DYNC2H1: variants seen among roughly 807,000 people sequenced by gnomAD.
DYNC2H1 encodes cytoplasmic dynein 2 heavy chain 1.
A neutral mutation model predicts 570.0 loss-of-function variants in DYNC2H1; 410 were observed. The observed-to-expected ratio is 0.72, with a 90% confidence interval of 0.66 to 0.78. The LOEUF is 0.78. DYNC2H1 is among the 30% of genes least tolerant of loss of function. The pLI is 0.00. For missense variants in DYNC2H1, 4,865 were observed against 5,046.4 expected, an observed-to-expected ratio of 0.96 and a Z score of 1.09; for synonymous variants, 1,688 against 1,677.6, an observed-to-expected ratio of 1.01 and a Z score of -0.15.
At chr11:103,309,362 T>TC (rs1411875734) in intron 78 of DYNC2H1, among the ~76,000 whole-genome samples, 4 of 149,632 alleles carry the variant, frequency 2.7e-5, no homozygotes, top group Admixed American at 1.3e-4. Context: ...TTTTCTTTTT[T>TC]TTTTTCTTTT....
In DYNC2H1 at chr11:103,302,956, G is replaced by C. The variant is rs1006186956; in HGVS notation, c.11096-137G>C. 8.6e-6 allele frequency: 5 copies of C among 580,946 alleles called. No homozygotes were observed. The South Asian group carries it at 3.0e-4, about 35-fold the overall frequency. 36.0% of individuals were successfully genotyped at this position (580,946 alleles called of 1,614,324 possible). On this transcript the variant is annotated intron_variant, in intron 75 of 88. Transcript: ENST00000375735. ...TGGCTATTACTAGTATATTATTTTA[G>C]AGTAGAAAAACTTTAATGTATTATG... is the stretch of plus-strand genomic sequence containing the variant.
intron 28 of DYNC2H1, among the ~76,000 whole-genome samples, chr11:103,159,812 G>A (rs1861008008): frequency 6.6e-6 from 1 of 152,086 alleles, no homozygotes; most frequent in Non-Finnish European, 1.5e-5. Flanking sequence ...TCAAGGATCA[G>A]CAAAATATAA....
intron 75 of DYNC2H1, among the ~76,000 whole-genome samples, chr11:103,291,524 G>A (rs540422336): frequency 6.6e-6 from 1 of 152,300 alleles, no homozygotes; most frequent in Non-Finnish European, 1.5e-5. Flanking sequence ...TATACAACTT[G>A]ATTCTGTAGC....
Position 103,204,933 on chromosome 11 carries a change from T to A in DYNC2H1, c.8423T>A (p.Met2808Lys). 1 of 1,592,154 alleles carries A rather than the reference T, an allele frequency of 6.3e-7. No individual in the cohort carries two copies. Among genetic ancestry groups the A allele is most frequent in the Non-Finnish European group, 8.6e-7 (1 of 1,168,028 alleles). Residue 2808 changes from methionine (M) to lysine (K), a missense_variant, in exon 52 of 89, where the codon ATG (methionine) becomes AAG (lysine). Physicochemically the swap from Met to Lys is moderately conservative, Grantham distance 95. Coordinates refer to ENST00000375735, the MANE Select transcript of DYNC2H1 (RefSeq NM_001377.3). The surrounding 1 kb of genome is among the most constrained non-coding windows in gnomAD (Gnocchi z 4.1). ...ALHKKCQVLW[M>K]EGWSNSSMKK... ...CATAAGAAATGCCAGGTGTTGTGGA[T>A]GGAGGGTTGGTCCAATAGCAGTATG...
chr11:103,191,186 T>G (rs1395652691), intron 45 of DYNC2H1, among the ~76,000 whole-genome samples: 1 of 151,640 alleles, frequency 6.6e-6, no homozygotes, highest in East Asian at 1.9e-4. Flanking sequence ...ACTACAAGCA[T>G]GTGCCACCAT....
In DYNC2H1 at chr11:103,177,699, T is replaced by C. The variant is rs1276065099; in HGVS notation, c.6018T>C (p.Tyr2006=). ...AAACTGGCAAAGTAGTGAAACAATA[T>C]ACTATGAATCCCAAAGCTATGCCTC... is the stretch of plus-strand genomic sequence containing the variant. ...LCKTGKVVKQ[Y]TMNPKAMPRY... The change falls in exon 38 of 89, where the codon TAT becomes TAC. Residue 2006 remains tyrosine (Y), a synonymous_variant. Coordinates refer to ENST00000375735, the MANE Select transcript of DYNC2H1 (RefSeq NM_001377.3). This position sits in a 1 kb window ranked among gnomAD's most constrained non-coding sequence, Gnocchi z 4.4. 1.2e-6 allele frequency: 2 copies of C among 1,613,534 alleles called. No individual in the cohort carries two copies. Among genetic ancestry groups the C allele is most frequent in the East Asian group, 2.2e-5 (1 of 44,830 alleles).
chr11:103,111,535 G>C (rs1241209819), intron 1 of DYNC2H1, among the ~76,000 whole-genome samples: 3 of 152,160 alleles, frequency 2.0e-5, no homozygotes, highest in Non-Finnish European at 2.9e-5. Flanking sequence ...CACTCCAGTG[G>C]CTTAGGATGA....
intron 81 of DYNC2H1, among the ~76,000 whole-genome samples, chr11:103,323,534 TC>T (rs1261429150): frequency 6.6e-6 from 1 of 151,904 alleles, no homozygotes; most frequent in African/African-American, 2.4e-5. Flanking sequence ...TGCAGATTGG[TC>T]TTTGGTAAGT....
chr11:103,382,353 C>T (rs1273415806), intron 83 of DYNC2H1, among the ~76,000 whole-genome samples: 2 of 152,088 alleles, frequency 1.3e-5, no homozygotes, highest in Non-Finnish European at 2.9e-5. Context: ...AGAATGTTCC[C>T]TAGATTTATG....
At chr11:103,467,382 C>A (rs1945224481) in intron 87 of DYNC2H1, among the ~76,000 whole-genome samples, 1 of 152,296 alleles carries the variant, frequency 6.6e-6, no homozygotes, top group East Asian at 1.9e-4. Flanking sequence ...TTAAGGGATT[C>A]TCTCCTAGCA....
intron 12 of DYNC2H1, among the ~76,000 whole-genome samples, chr11:103,127,916 C>T (rs902363213): frequency 7.9e-5 from 12 of 152,246 alleles, no homozygotes; most frequent in African/African-American, 2.6e-4. Flanking sequence ...AAGAATAAAA[C>T]AGAATAAAGA....
chr11:103,292,290 G>A (rs565364506), intron 75 of DYNC2H1, among the ~76,000 whole-genome samples: 53 of 151,642 alleles, frequency 3.5e-4, no homozygotes, highest in African/African-American at 1.3e-3. Context: ...TATGAGGCTT[G>A]AAGAAAACAT....
At chr11:103,127,182 C>T (rs1028123301) in intron 12 of DYNC2H1, among the ~76,000 whole-genome samples, 16 of 151,994 alleles carry the variant, frequency 1.1e-4, no homozygotes, top group African/African-American at 1.9e-4. Context: ...TCAGTCAGAG[C>T]GACTACTTAA....
chr11:103,340,060 G>C (rs1460814035), intron 82 of DYNC2H1, among the ~76,000 whole-genome samples: 1 of 152,158 alleles, frequency 6.6e-6, no homozygotes, highest in African/African-American at 2.4e-5. Context: ...GTAATGCAAG[G>C]TTACCTAGCT....
rs1480928186 is a variant in DYNC2H1, at chr11:103,193,291, T to G, written c.7708+1027T>G. On this transcript the variant is annotated intron_variant, in intron 47 of 88. Transcript: ENST00000375735. ...ATGACCTGTAGCTTGCATGGCTTAG[T>G]GTGGAGAAGCTTAGGTTCTTAAATG... 2.0e-5 allele frequency among the ~76,000 whole-genome samples: 3 copies of G among 152,234 alleles called. No homozygotes were observed. In the East Asian group the frequency reaches 5.8e-4, roughly 29 times the overall value.
chr11:103,208,868 A>G (rs1040708015), intron 52 of DYNC2H1, among the ~76,000 whole-genome samples: 9 of 152,170 alleles, frequency 5.9e-5, no homozygotes, highest in Admixed American at 2.0e-4. Context: ...CTTCAAGGGA[A>G]GGAACAGGGG....
intron 82 of DYNC2H1, among the ~76,000 whole-genome samples, chr11:103,354,181 C>CAAAAAAAAAA (rs71465391): frequency 1.7e-5 from 2 of 117,214 alleles, no homozygotes; most frequent in Non-Finnish European, 3.5e-5. Flanking sequence ...TGTCTCAAAA[C>CAAAAAAAAAA]AAAAAAAAAA....
At chr11:103,276,367 G>C (rs544092942) in intron 70 of DYNC2H1, among the ~76,000 whole-genome samples, 1 of 152,032 alleles carries the variant, frequency 6.6e-6, no homozygotes, top group Non-Finnish European at 1.5e-5. Context: ...ATCCCAACCT[G>C]TAGGTTTATA....
chr11:103,285,581 C>T (rs1439151139), intron 73 of DYNC2H1, among the ~76,000 whole-genome samples: 2 of 146,558 alleles, frequency 1.4e-5, no homozygotes, highest in Non-Finnish European at 3.1e-5. Flanking sequence ...CACCACCAGC[C>T]TGACTAATTT....
Sources: gnomAD v4.1 joint callset for allele counts (sites outside exome capture counted in the v4.1 genomes callset) on GRCh38, gnomAD v4.1.1 for gene constraint, Gnocchi (gnomAD v3.1) non-coding constraint, MANE v1.5 for transcripts, NCBI Gene and HGNC (gene_info 2026-07-23, HGNC 2026-07-21) for gene names.